Variants in GLYATL2 observed in about 807,000 individuals in gnomAD.
GLYATL2 encodes the protein glycine N-acyltransferase-like protein 2.
A neutral mutation model predicts 21.4 loss-of-function variants in GLYATL2; 25 were observed. The ratio of observed to expected loss-of-function variants is 1.17; its 90% confidence interval spans 0.85 to 1.63. The LOEUF is 1.63. Ranked by LOEUF, GLYATL2 falls within the 40% of genes most tolerant of loss-of-function variation. The pLI is 0.00. For missense variants in GLYATL2, 361 were observed against 343.3 expected (o/e 1.05, Z -0.41); for synonymous variants, 114 against 118.2 (o/e 0.96, Z 0.23).
At chr11:58,850,220 T>C (rs1292618805) in intron 1 of GLYATL2, among the ~76,000 whole-genome samples, 2 of 152,152 alleles carry the variant, frequency 1.3e-5, no homozygotes, top group African/African-American at 4.8e-5. Flanking sequence ...TAGCTGTAGG[T>C]CTGTCATATA....
intron 1 of GLYATL2, among the ~76,000 whole-genome samples, chr11:58,860,780 C>T (rs371949312): frequency 6.6e-6 from 1 of 152,008 alleles, no homozygotes; most frequent in South Asian, 2.1e-4. Flanking sequence ...TTCTTCTATA[C>T]CTCATTTGTT....
intron 1 of GLYATL2, among the ~76,000 whole-genome samples, chr11:58,897,954 T>G (rs76062665): frequency 2.6e-3 from 398 of 152,340 alleles, no homozygotes; most frequent in African/African-American, 9.1e-3. Context: ...AAGGATATCC[T>G]GTATATATTC....
At chr11:58,859,182 G>A (rs1475376514) in intron 1 of GLYATL2, among the ~76,000 whole-genome samples, 2 of 151,988 alleles carry the variant, frequency 1.3e-5, no homozygotes, top group East Asian at 1.9e-4. Flanking sequence ...TTCAACTTGA[G>A]TCCCTCTCTC....
At chr11:58,856,481 C>T (rs1373474851) in intron 1 of GLYATL2, among the ~76,000 whole-genome samples, 3 of 152,204 alleles carry the variant, frequency 2.0e-5, no homozygotes, top group East Asian at 1.9e-4. Flanking sequence ...AGCTTTTGGA[C>T]TGTCTTGGAT....
intron 1 of GLYATL2, among the ~76,000 whole-genome samples, chr11:58,873,391 T>C (rs1854162591): frequency 6.6e-6 from 1 of 152,214 alleles, no homozygotes; most frequent in Non-Finnish European, 1.5e-5. Context: ...CTTCCAGTTT[T>C]TGTCCTTTCA....
At chr11:58,898,751 TG>T (rs1854679239) in intron 1 of GLYATL2, among the ~76,000 whole-genome samples, 3 of 152,130 alleles carry the variant, frequency 2.0e-5, no homozygotes, top group African/African-American at 7.2e-5. Flanking sequence ...GAGAATGGCG[TG>T]AACCTGGGAG....
chr11:58,895,768 A>C (rs116269368), intron 1 of GLYATL2, among the ~76,000 whole-genome samples: 3,764 of 41,010 alleles, frequency 0.092, 64 homozygotes, highest in Non-Finnish European at 0.27. Flanking sequence ...ATAGATAAGC[A>C]AGCCAAAAGC....
At position 58,865,294 on chromosome 11, in the gene GLYATL2, G is replaced by C. The variant is rs374899018; in HGVS notation, n.61-26926C>G. ...AGTATAATAAGAGAAATAATATGTTGGGCTAGAAAAGACAAAAATACATAT... is the reference window on the plus strand; with the variant it reads ...AGTATAATAAGAGAAATAATATGTTCGGCTAGAAAAGACAAAAATACATAT... On this transcript the variant is annotated intron_variant and non_coding_transcript_variant, in intron 1 of 4. Coordinates refer to the GLYATL2 transcript ENST00000533636. 1.5e-3 allele frequency among the ~76,000 whole-genome samples: 220 copies of C among 148,852 alleles called. 11 individuals carry two copies. The highest frequency in any genetic ancestry group is 5.0e-3 in the African/African-American group (208 of 41,342).
intron 5 of GLYATL2, among the ~76,000 whole-genome samples, chr11:58,835,361 G>A (rs1853410629): frequency 6.6e-6 from 1 of 152,140 alleles, no homozygotes; most frequent in African/African-American, 2.4e-5. Context: ...ACCCAGAAAC[G>A]CAGTTTAAGA....
intron 1 of GLYATL2, among the ~76,000 whole-genome samples, chr11:58,878,596 A>C (rs1047889856): frequency 5.3e-5 from 8 of 152,216 alleles, no homozygotes; most frequent in Non-Finnish European, 8.8e-5. Context: ...ATAAGCAGTA[A>C]TGTTGCAGAA....
chr11:58,840,672 T>C (rs929297869), intron 1 of GLYATL2: 1 of 151,716 alleles, frequency 6.6e-6, no homozygotes, highest in Non-Finnish European at 1.5e-5. Flanking sequence ...ACCCCGTCTC[T>C]TCTAAAAATA....
At chr11:58,838,467 A>G (rs1182789874) in intron 2 of GLYATL2, 99 bp from the exon 3 acceptor site, 6 of 737,734 alleles carry the variant, frequency 8.1e-6, no homozygotes, top group African/African-American at 1.8e-5. Context: ...AATAAGGACA[A>G]GAAGTATAGG....
chr11:58,882,540 G>T (rs537900591), intron 1 of GLYATL2, among the ~76,000 whole-genome samples: 1 of 152,018 alleles, frequency 6.6e-6, no homozygotes, highest in Non-Finnish European at 1.5e-5. Flanking sequence ...TTGCCTGTTC[G>T]CTCTGATGGT....
intron 5 of GLYATL2, 35 bp from the exon 6 acceptor site, chr11:58,834,872 A>G (rs1853400689): frequency 2.0e-6 from 3 of 1,473,172 alleles, no homozygotes; most frequent in Middle Eastern, 3.6e-4. Context: ...TTATTCAGCC[A>G]ATATTACCAA....
rs180765354 is a variant in GLYATL2, at chr11:58,903,081, G to A, written n.60+1075C>T. On this transcript the variant is annotated intron_variant and non_coding_transcript_variant, in intron 1 of 4. Transcript: ENST00000533636. ...ATGGAAGATTGGTACTAAAAATGAC[G>A]TCAGGTTACTTATTCCAATTGTGTG... 1.2e-4 allele frequency among the ~76,000 whole-genome samples: 19 copies of A among 152,290 alleles called. No individual in the cohort carries two copies. The East Asian group carries it at 2.7e-3, about 22-fold the overall frequency.
At chr11:58,857,595 C>G (rs1363629956) in intron 1 of GLYATL2, among the ~76,000 whole-genome samples, 1 of 152,184 alleles carries the variant, frequency 6.6e-6, no homozygotes, top group Non-Finnish European at 1.5e-5. Context: ...CCAGGACACA[C>G]GCGTGAACCA....
At chr11:58,857,397 T>C (rs960105705) in intron 1 of GLYATL2, among the ~76,000 whole-genome samples, 3 of 152,146 alleles carry the variant, frequency 2.0e-5, no homozygotes, top group African/African-American at 7.2e-5. Context: ...ACAGAGAGCT[T>C]CCCTGGGTGA....
chr11:58,868,128 T>C (rs1262258925), intron 1 of GLYATL2, among the ~76,000 whole-genome samples: 1 of 148,588 alleles, frequency 6.7e-6, no homozygotes, highest in Non-Finnish European at 1.5e-5. Flanking sequence ...TGATACAGAG[T>C]TTGCCAGAAG....
At chr11:58,848,662 C>A (rs1257973013), upstream of GLYATL2, among the ~76,000 whole-genome samples, 2 of 151,226 alleles carry the variant, frequency 1.3e-5, no homozygotes, top group Non-Finnish European at 2.9e-5. Flanking sequence ...TCAAAAGATA[C>A]AAAATAAAAA....
Sources: allele counts gnomAD v4.1 joint callset (sites outside exome capture counted in the v4.1 genomes callset), GRCh38; gene constraint gnomAD v4.1.1; transcripts MANE v1.5; gene names NCBI Gene and HGNC (gene_info 2026-07-23, HGNC 2026-07-21).